Variants in ITPR1 observed in about 807,000 individuals in gnomAD.
The protein encoded by ITPR1 is inositol 1,4,5-trisphosphate-gated calcium channel ITPR1.
Under a neutral mutation model 318.4 loss-of-function variants are expected in ITPR1, and 96 were observed. The observed-to-expected ratio is 0.30, with a 90% CI of 0.26 to 0.36. ITPR1 has a LOEUF of 0.36. Ranked by LOEUF, ITPR1 falls within the 10% of genes least tolerant of loss-of-function variation. The pLI is 1.00. For synonymous variants in ITPR1, 1,312 were observed against 1,289.9 expected (o/e 1.02, Z -0.37); for missense variants, 2,440 against 3,460.2 (o/e 0.71, Z 7.40).
At chr3:4,568,047 G>A (rs535448125) in intron 4 of ITPR1, among the ~76,000 whole-genome samples, 12 of 152,290 alleles carry the variant, frequency 7.9e-5, no homozygotes, top group Admixed American at 3.3e-4. Flanking sequence ...TGCCAAAGTC[G>A]GTGCAGTGAG....
chr3:4,610,402 G>T (rs562168255), intron 4 of ITPR1, among the ~76,000 whole-genome samples: 130 of 151,828 alleles, frequency 8.6e-4, no homozygotes, highest in African/African-American at 3.1e-3. Context: ...GAGACAGTCT[G>T]CTCTTCCTTT....
At chr3:4,796,853 T>C (rs994994451) in intron 53 of ITPR1, among the ~76,000 whole-genome samples, 1 of 152,212 alleles carries the variant, frequency 6.6e-6, no homozygotes, top group African/African-American at 2.4e-5. Context: ...ATTAAGCCCA[T>C]GGTTAGAAAA....
intron 6 of ITPR1, among the ~76,000 whole-genome samples, chr3:4,639,680 C>T (rs1439545353): frequency 6.6e-6 from 1 of 152,172 alleles, no homozygotes; most frequent in African/African-American, 2.4e-5. Flanking sequence ...GCATCTACTT[C>T]TCTCTGTCTG....
chr3:4,686,422 C>T (rs552101594), intron 30 of ITPR1, among the ~76,000 whole-genome samples: 1 of 152,356 alleles, frequency 6.6e-6, no homozygotes, highest in East Asian at 1.9e-4. Context: ...CAAACTTTGC[C>T]TGTCATTTAG....
rs1310962882 is a variant in ITPR1, at chr3:4,683,656, T to C, written c.3356T>C (p.Val1119Ala). ...QVQLLVTSQDVDNYKQIKQDL... is the reference protein window; with the variant it reads ...QVQLLVTSQDADNYKQIKQDL... ...CAACTGCTGGTTACCAGCCAAGATG[T>C]GGACAACTACAAACAGATCAAACAA... The change falls in exon 28 of 62, where the codon GTG (valine) becomes GCG (alanine). Residue 1119 changes from valine (V) to alanine (A), a missense_variant. Transcript: ENST00000649015. 3 of 1,613,934 alleles carry C rather than the reference T, an allele frequency of 1.9e-6. No individual in the cohort carries two copies. The highest frequency in any genetic ancestry group is 1.7e-6 in the Non-Finnish European group (2 of 1,179,902).
intron 39 of ITPR1, among the ~76,000 whole-genome samples, chr3:4,712,261 T>C (rs1375005156): frequency 6.6e-6 from 1 of 152,244 alleles, no homozygotes; most frequent in African/African-American, 2.4e-5. Context: ...GATGAGCTGT[T>C]GCGCAATCCT....
chr3:4,680,227 A>G (rs2094270927), intron 24 of ITPR1, among the ~76,000 whole-genome samples: 1 of 152,192 alleles, frequency 6.6e-6, no homozygotes, highest in Non-Finnish European at 1.5e-5. Flanking sequence ...GTTGACATTC[A>G]ATACTTACTG....
chr3:4,512,213 C>A (rs553509792), intron 2 of ITPR1, among the ~76,000 whole-genome samples: 1 of 152,134 alleles, frequency 6.6e-6, no homozygotes, highest in African/African-American at 2.4e-5. Flanking sequence ...AAGCCATCCT[C>A]CCACCTTGGC....
chr3:4,741,526 A>G (rs2043700598), intron 44 of ITPR1, among the ~76,000 whole-genome samples: 1 of 145,536 alleles, frequency 6.9e-6, no homozygotes, highest in African/African-American at 2.6e-5. Flanking sequence ...CTGGTTCATG[A>G]GGCCTTTCCT....
At chr3:4,786,204 C>T (rs895864145) in intron 51 of ITPR1, among the ~76,000 whole-genome samples, 27 of 152,296 alleles carry the variant, frequency 1.8e-4, no homozygotes, top group Non-Finnish European at 2.5e-4. Context: ...TAGCAGGAGA[C>T]GGCAGAGGTG....
chr3:4,687,230 C>G (rs1465197979), intron 30 of ITPR1, among the ~76,000 whole-genome samples: 4 of 152,164 alleles, frequency 2.6e-5, no homozygotes, highest in Non-Finnish European at 5.9e-5. Context: ...CCCACAAAGC[C>G]CAAAGTATGT....
chr3:4,630,436 A>G (rs747233845), intron 5 of ITPR1, among the ~76,000 whole-genome samples: 1 of 152,112 alleles, frequency 6.6e-6, no homozygotes, highest in Non-Finnish European at 1.5e-5. Context: ...GTCGTAGGAT[A>G]TAGCTGCATG....
At chr3:4,715,408 T>C (rs536573429) in intron 39 of ITPR1, among the ~76,000 whole-genome samples, 1 of 152,330 alleles carries the variant, frequency 6.6e-6, no homozygotes, top group African/African-American at 2.4e-5. Flanking sequence ...CACTCTCCAA[T>C]AGACGCCAAG....
chr3:4,663,229 G>A, intron 16 of ITPR1, 23 bp downstream of exon 16: 1 of 1,591,520 alleles, frequency 6.3e-7, no homozygotes, highest in Non-Finnish European at 8.6e-7. Context: ...TGGCGTACTG[G>A]GGATTTGGCT....
At chr3:4,637,467 A>G (rs2093224683) in intron 5 of ITPR1, among the ~76,000 whole-genome samples, 1 of 152,226 alleles carries the variant, frequency 6.6e-6, no homozygotes, top group Admixed American at 6.5e-5. Context: ...AGGAAAGAAA[A>G]GGTTCAGGAG....
intron 4 of ITPR1, among the ~76,000 whole-genome samples, chr3:4,581,934 TA>T (rs1250310148): frequency 6.7e-6 from 1 of 149,564 alleles, no homozygotes; most frequent in Admixed American, 6.6e-5. Flanking sequence ...TTGTGAGTTT[TA>T]TTTTTTTTTA....
At position 4,710,308 on chromosome 3, in the gene ITPR1, C is replaced by A. The variant is rs201527605; in HGVS notation, c.4843-17C>A. ...CGTCTGCCTGAGCCGTTGACTGAGG[C>A]TGTGTTTCCGTTTTAGGACATCGTC... On this transcript the variant is annotated splice_polypyrimidine_tract_variant and intron_variant, in intron 37 of 61. Coordinates refer to ENST00000649015, the MANE Select transcript of ITPR1 (RefSeq NM_001378452.1). The surrounding 1 kb of genome is among the most constrained non-coding windows in gnomAD (Gnocchi z 4.2). 2 of 1,530,272 alleles carry A rather than the reference C, an allele frequency of 1.3e-6. No individual in the cohort carries two copies. Among genetic ancestry groups the A allele is most frequent in the South Asian group, 2.4e-5 (2 of 82,116 alleles). 94.8% of individuals were successfully genotyped at this position (1,530,272 alleles called of 1,614,324 possible).
In ITPR1 at chr3:4,827,210, C is replaced by G. The variant is rs2050137851; in HGVS notation, c.8028+8968C>G. Among the ~76,000 whole-genome samples the G allele has an allele frequency of 2.0e-5, 3 of 152,242 alleles. 1 individual carries two copies. In the South Asian group the frequency reaches 6.2e-4, roughly 31 times the overall value. On this transcript the variant is annotated intron_variant, in intron 60 of 61. Transcript: ENST00000649015. Reference sequence around the variant, plus strand: ...TGCTCCTGCCCCGACAGCACCACCACCGTGCTGCCCGGCTTGCCCTTTACT... The same window carrying G: ...TGCTCCTGCCCCGACAGCACCACCAGCGTGCTGCCCGGCTTGCCCTTTACT...
intron 44 of ITPR1, among the ~76,000 whole-genome samples, chr3:4,753,699 T>A (rs1202657376): frequency 6.6e-6 from 1 of 152,148 alleles, no homozygotes; most frequent in Non-Finnish European, 1.5e-5. Flanking sequence ...CCAGTGTCCT[T>A]GCCTCCATCC....
Sources: gnomAD v4.1 joint callset for allele counts (sites outside exome capture counted in the v4.1 genomes callset) on GRCh38, gnomAD v4.1.1 for gene constraint, Gnocchi (gnomAD v3.1) non-coding constraint, MANE v1.5 for transcripts, NCBI Gene and HGNC (gene_info 2026-07-23, HGNC 2026-07-21) for gene names.